Variants in MYO18A observed in about 807,000 individuals in gnomAD.
MYO18A encodes the protein unconventional myosin-XVIIIa.
MYO18A carries 78 observed loss-of-function variants against 235.8 expected under a neutral mutation model. The ratio of observed to expected loss-of-function variants is 0.33; its 90% CI spans 0.28 to 0.40. The LOEUF (loss-of-function observed/expected upper bound fraction) is 0.40. MYO18A is among the 10% of genes least tolerant of loss of function. The pLI, the probability that MYO18A is intolerant of heterozygous loss-of-function variation, is 1.00. For missense variants in MYO18A, 2,215 were observed against 2,699.3 expected, an observed-to-expected ratio of 0.82 and a Z score of 3.98; for synonymous variants, 977 against 1,077.8, an observed-to-expected ratio of 0.91 and a Z score of 1.83.
chr17:29,074,874 C>G lies in MYO18A; in HGVS notation c.6061G>C (p.Asp2021His). 1.2e-6 allele frequency: 2 copies of G among 1,613,936 alleles called. No homozygotes were observed. Among genetic ancestry groups the G allele is most frequent in the Non-Finnish European group, 1.7e-6 (2 of 1,179,880 alleles). ...YWKSLAPDRS[D>H]DEHDPLDNTS... Reference sequence around the variant, plus strand: ...TTGTCGAGAGGGTCGTGCTCATCATCTGACCGATCAGGGGCAAGGGACTTC... The same window carrying G: ...TTGTCGAGAGGGTCGTGCTCATCATGTGACCGATCAGGGGCAAGGGACTTC... Residue 2021 changes from aspartate (D) to histidine (H), a missense_variant, in exon 42 of 42, where the codon GAT becomes CAT. Physicochemically the swap from Asp to His is moderately conservative, Grantham distance 81. Transcript: ENST00000527372. The surrounding 1 kb of genome is among the most constrained non-coding windows in gnomAD (Gnocchi z 4.4).
At chr17:29,119,549 C>T in intron 7 of MYO18A, 114 bp from the exon 8 acceptor site, 3 of 598,972 alleles carry the variant, frequency 5.0e-6, no homozygotes, top group African/African-American at 2.1e-5. Flanking sequence ...GAACAAGCAG[C>T]TGCATTTTTT....
intron 41 of MYO18A, chr17:29,075,175 C>T (rs2065944416): frequency 2.4e-6 from 1 of 409,448 alleles, no homozygotes; most frequent in Admixed American, 3.6e-5. Context: ...GAATCTGATG[C>T]AGGTTCCTGG....
intron 1 of MYO18A, among the ~76,000 whole-genome samples, chr17:29,175,984 G>A (rs905959168): frequency 6.6e-5 from 10 of 152,220 alleles, no homozygotes; most frequent in African/African-American, 2.4e-4. Context: ...CTTGAACCCC[G>A]GAGGCGGAGG....
In MYO18A at chr17:29,120,483, C is replaced by A; in HGVS notation, c.1728+133G>T. On this transcript the variant is annotated intron_variant, in intron 7 of 41. Coordinates refer to ENST00000527372, the MANE Select transcript of MYO18A (RefSeq NM_078471.4). This position sits in a 1 kb window ranked among gnomAD's most constrained non-coding sequence, Gnocchi z 4.2. ...ATGCCTCTGGATAGTGCAGGCCAAC[C>A]CTGCCCATGCCTGGGTCAATTTTGT... is the stretch of plus-strand genomic sequence containing the variant. 8 of 1,241,550 alleles carry A rather than the reference C, an allele frequency of 6.4e-6. No homozygotes were observed. The highest frequency in any genetic ancestry group is 8.9e-6 in the Non-Finnish European group (8 of 902,114). 76.9% of individuals were successfully genotyped at this position (1,241,550 alleles called of 1,614,324 possible).
rs560882302 is a variant in MYO18A at position 29,125,665 on chromosome 17, G to A, written c.1000-3412C>T. 1.1e-4 allele frequency among the ~76,000 whole-genome samples: 17 copies of A among 152,322 alleles called. No homozygotes were observed. The East Asian group carries it at 1.7e-3, about 16-fold the overall frequency. On this transcript the variant is annotated intron_variant, in intron 2 of 41. Transcript: ENST00000527372. This position sits in a 1 kb window ranked among gnomAD's most constrained non-coding sequence, Gnocchi z 5.1. ...CAGAGAAAGGGACTGGGCCCTGAGC[G>A]AGGAGGGGTGCCCTCCCACATGCAC... is the stretch of plus-strand genomic sequence containing the variant.
intron 41 of MYO18A, chr17:29,080,839 G>C: frequency 1.0e-6 from 1 of 985,500 alleles, no homozygotes; most frequent in Non-Finnish European, 1.2e-6. Flanking sequence ...CTTCCTAGGG[G>C]GCCTCTCAGG....
In MYO18A at chr17:29,093,474, G is replaced by A. The variant is rs905813393; in HGVS notation, c.4822-47C>T. 10 of 1,415,834 alleles carry A rather than the reference G, an allele frequency of 7.1e-6. No individual in the cohort carries two copies. The African/African-American group carries it at 1.1e-4, about 16-fold the overall frequency. 87.7% of individuals were successfully genotyped at this position (1,415,834 alleles called of 1,614,324 possible). ...GACCCGTCCGTCCCTTTAGTGCCTGGTGCGAAGCAGGCCCCTTCCATTCTG... is the reference window on the plus strand; with the variant it reads ...GACCCGTCCGTCCCTTTAGTGCCTGATGCGAAGCAGGCCCCTTCCATTCTG... On this transcript the variant is annotated intron_variant, in intron 31 of 41. Transcript: ENST00000527372.
intron 10 of MYO18A, 52 bp from the exon 11 acceptor site, chr17:29,116,507 C>G (rs1166261676): frequency 6.2e-7 from 1 of 1,613,068 alleles, no homozygotes; most frequent in African/African-American, 1.3e-5. Flanking sequence ...AGTGTGTTAG[C>G]AAACAGTCAT....
chr17:29,079,339 G>A (rs1035790328), intron 41 of MYO18A, among the ~76,000 whole-genome samples: 3 of 152,194 alleles, frequency 2.0e-5, no homozygotes, highest in African/African-American at 4.8e-5. Context: ...CCAGCTGTGC[G>A]TGACCACATG....
intron 39 of MYO18A, among the ~76,000 whole-genome samples, chr17:29,086,152 G>A (rs1192593918): frequency 3.3e-5 from 5 of 152,240 alleles, no homozygotes; most frequent in East Asian, 1.9e-4. Context: ...AGGTGCCATC[G>A]GAAATGCAGC....
chr17:29,097,968 C>T, intron 25 of MYO18A, 69 bp from the exon 26 acceptor site: 13 of 1,573,488 alleles, frequency 8.3e-6, no homozygotes, highest in Non-Finnish European at 1.1e-5. Context: ...CCACACAGAC[C>T]ATGATCACAT....
chr17:29,123,830 C>T (rs1265580105), intron 2 of MYO18A, among the ~76,000 whole-genome samples: 3 of 152,118 alleles, frequency 2.0e-5, no homozygotes, highest in Admixed American at 6.5e-5. Context: ...GGGTGGATCA[C>T]GAGGTCAGGA....
intron 13 of MYO18A, 125 bp from the exon 14 acceptor site, chr17:29,115,224 C>T (rs1846304573): frequency 2.0e-5 from 28 of 1,431,606 alleles, no homozygotes; most frequent in Non-Finnish European, 2.5e-5. Flanking sequence ...GCTGGCCTTG[C>T]TCATAGCCCA....
intron 2 of MYO18A, among the ~76,000 whole-genome samples, chr17:29,135,016 TC>T (rs1158615382): frequency 1.3e-5 from 2 of 151,718 alleles, no homozygotes; most frequent in Non-Finnish European, 2.9e-5. Context: ...GCTTGAAAAA[TC>T]AAGTCAGAAT....
chr17:29,088,349 C>G (rs1414573736), intron 37 of MYO18A, among the ~76,000 whole-genome samples: 1 of 152,162 alleles, frequency 6.6e-6, no homozygotes, highest in African/African-American at 2.4e-5. Flanking sequence ...CCACCGCGCC[C>G]AGCCGAAAAT....
intron 1 of MYO18A, among the ~76,000 whole-genome samples, chr17:29,168,272 G>A (rs1419062213): frequency 6.6e-6 from 1 of 152,068 alleles, no homozygotes. Flanking sequence ...GAAGAAAACT[G>A]TGGTAGCCTG....
rs2067180844 is a variant in MYO18A at position 29,120,861 on chromosome 17, A to G, written c.1586-103T>C. On this transcript the variant is annotated intron_variant, in intron 6 of 41. Coordinates refer to ENST00000527372, the MANE Select transcript of MYO18A (RefSeq NM_078471.4). The surrounding 1 kb of genome is among the most constrained non-coding windows in gnomAD (Gnocchi z 4.2). ...ATGAAGGCTTGGGGCCATTCAGACC[A>G]GAACTGCCCGTGGACAGAGGGGTTT... The G allele has an allele frequency of 6.4e-7, 1 of 1,563,084 alleles. No homozygotes were observed. The highest frequency in any genetic ancestry group is 8.7e-7 in the Non-Finnish European group (1 of 1,149,672).
At chr17:29,105,448 A>T (rs1202051046) in intron 20 of MYO18A, among the ~76,000 whole-genome samples, 1 of 152,068 alleles carries the variant, frequency 6.6e-6, no homozygotes, top group Non-Finnish European at 1.5e-5. Flanking sequence ...ATGCCAGAGG[A>T]AAAAGAGAGA....
At chr17:29,110,381 C>A in intron 18 of MYO18A, 55 bp downstream of exon 18, 1 of 1,510,224 alleles carries the variant, frequency 6.6e-7, no homozygotes, top group Non-Finnish European at 8.9e-7. Flanking sequence ...GGCCTGCCTA[C>A]CAGGGGTAAG....
Sources: gnomAD v4.1 joint callset for allele counts (sites outside exome capture counted in the v4.1 genomes callset) on GRCh38, gnomAD v4.1.1 for gene constraint, Gnocchi (gnomAD v3.1) non-coding constraint, MANE v1.5 for transcripts, NCBI Gene and HGNC (gene_info 2026-07-23, HGNC 2026-07-21) for gene names.